Variants in DDX41 observed in about 807,000 individuals in gnomAD.
The protein encoded by DDX41 is DEAD-box helicase 41.
In DDX41, 50 loss-of-function variants were observed where a neutral mutation model predicts 78.8. The observed-to-expected ratio is 0.63, with a 90% CI of 0.51 to 0.80. DDX41 has a LOEUF of 0.80. Among genes scored for constraint, DDX41 ranks in the 30% least tolerant of loss-of-function variants. The probability of loss-of-function intolerance (pLI) is 0.00; values close to 1 mark genes in which losing one functional copy is unlikely to be tolerated. For missense variants in DDX41, 633 were observed against 849.2 expected (o/e 0.75, Z 3.16); for synonymous variants, 381 against 321.5 (o/e 1.19, Z -1.98).
At chr5:177,512,429 T>C in intron 14 of DDX41, 36 bp from the exon 15 acceptor site, 1 of 1,614,122 alleles carries the variant, frequency 6.2e-7, no homozygotes, top group Non-Finnish European at 8.5e-7. Flanking sequence ...GGCCCATCGC[T>C]GGACACTAGG....
rs772969629 is a variant in DDX41, at chr5:177,516,768, T to G, written c.95A>C (p.Asp32Ala). The G allele has an allele frequency of 5.6e-5, 90 of 1,611,760 alleles. 1 individual carries two copies. Among genetic ancestry groups the G allele is most frequent in the Non-Finnish European group, 1.7e-6 (2 of 1,179,484 alleles). The change falls in exon 2 of 17, where the codon GAC (aspartate) becomes GCC (alanine). Residue 32 changes from aspartate to alanine, a missense_variant. Physicochemically the swap from Asp to Ala is moderately radical, Grantham distance 126 (BLOSUM62 -2). Coordinates refer to ENST00000330503, the MANE Select transcript of DDX41 (RefSeq NM_016222.4). The part of the protein sequence containing the change: ...RSEAEDEDDE[D>A]YVPYVPLRQR... ...CCGTAACGGCACATAGGGCACGTAG[T>G]CCTCGTCGTCCTCATCTTCCGCCTC...
In DDX41 at chr5:177,514,963, G is replaced by C; in HGVS notation, c.751C>G (p.Pro251Ala). Residue 251 changes from proline to alanine, a missense_variant, in exon 8 of 17, where the codon CCC becomes GCC. Pro to Ala is a conservative substitution (Grantham distance 27). Coordinates refer to ENST00000330503, the MANE Select transcript of DDX41 (RefSeq NM_016222.4). This position sits in a 1 kb window ranked among gnomAD's most constrained non-coding sequence, Gnocchi z 4.2. ...TAGGGCCCCTCGCGCTTTGAGAAGG[G>C]TAACCTCTTCTCTTGTTCCAGGCAG... The part of the protein sequence containing the change: ...MFCLEQEKRL[P>A]FSKREGPYGL... 1.2e-6 allele frequency: 2 copies of C among 1,613,390 alleles called. No individual in the cohort carries two copies. The highest frequency in any genetic ancestry group is 1.7e-6 in the Non-Finnish European group (2 of 1,179,570).
rs1318123027 is a variant in DDX41 at position 177,516,462 on chromosome 5, G to A, written c.139-15C>T. ...AGCTTCTGGAGCTGAGGTTCCACCC[G>A]GGATCCACAGATAGGATGGGCATGG... On this transcript the variant is annotated splice_polypyrimidine_tract_variant and intron_variant, in intron 2 of 16. Coordinates refer to ENST00000330503, the MANE Select transcript of DDX41 (RefSeq NM_016222.4). 4.3e-6 allele frequency: 7 copies of A among 1,612,414 alleles called. No homozygotes were observed. The highest frequency in any genetic ancestry group is 2.2e-5 in the South Asian group (2 of 91,076).
Position 177,511,720 on chromosome 5 carries a change from G to A in DDX41, c.*71C>T, listed in dbSNP as rs965952734. On this transcript the variant is annotated 3_prime_UTR_variant, in exon 17 of 17. Coordinates refer to ENST00000330503, the MANE Select transcript of DDX41 (RefSeq NM_016222.4). ...CTGAAATGCTGATTCTGTCCAGGGGGCTGCTGTATGTGTAGACTGGTGGCA... is the reference window on the plus strand; with the variant it reads ...CTGAAATGCTGATTCTGTCCAGGGGACTGCTGTATGTGTAGACTGGTGGCA... 2 of 1,589,788 alleles carry A rather than the reference G, an allele frequency of 1.3e-6. No homozygotes were observed. Among genetic ancestry groups the A allele is most frequent in the African/African-American group, 1.3e-5 (1 of 74,676 alleles).
In DDX41 at chr5:177,511,743, G is replaced by A; in HGVS notation, c.*48C>T. 1.3e-6 allele frequency: 2 copies of A among 1,597,718 alleles called. No individual in the cohort carries two copies. The highest frequency in any genetic ancestry group is 2.3e-5 in the East Asian group (1 of 44,442). On this transcript the variant is annotated 3_prime_UTR_variant, in exon 17 of 17. Transcript: ENST00000330503. ...GGGCTGCTGTATGTGTAGACTGGTG[G>A]CAGTCTTGGGGACTGAGGCCTCTTG...
rs1187062751 is a variant in DDX41 at position 177,511,857 on chromosome 5, C to T, written c.1803G>A (p.Met601Ile). 3 of 1,614,178 alleles carry T rather than the reference C, an allele frequency of 1.9e-6. No individual in the cohort carries two copies. The South Asian group carries it at 3.3e-5, about 18-fold the overall frequency. ...RITDCPKLEA[M>I]QTKQVSNIGR... Reference sequence around the variant, plus strand: ...CGATGTTGCTGACCTGCTTGGTCTGCATAGCCTCGAGTTTGGGGCAGTCAG... The same window carrying T: ...CGATGTTGCTGACCTGCTTGGTCTGTATAGCCTCGAGTTTGGGGCAGTCAG... Residue 601 changes from methionine (M) to isoleucine (I), a missense_variant, in exon 17 of 17, where the codon ATG becomes ATA. Met to Ile is a conservative substitution (Grantham distance 10). Coordinates refer to ENST00000330503, the MANE Select transcript of DDX41 (RefSeq NM_016222.4).
chr5:177,512,653 G>A lies in DDX41; in HGVS notation c.1400-8C>T, dbSNP rs762599273. On this transcript the variant is annotated splice_region_variant and splice_polypyrimidine_tract_variant and intron_variant, in intron 13 of 16. Transcript: ENST00000330503. ...TAGTCCGTTCCTCCTGGTCTGGGGA[G>A]GGTCAGGCAGACACTGTCAGAGCCA... The A allele has an allele frequency of 6.2e-7, 1 of 1,613,862 alleles. No individual in the cohort carries two copies. The highest frequency in any genetic ancestry group is 8.5e-7 in the Non-Finnish European group (1 of 1,180,002).
chr5:177,515,876 A>T, intron 5 of DDX41, 53 bp downstream of exon 5: 1 of 1,614,134 alleles, frequency 6.2e-7, no homozygotes, highest in Non-Finnish European at 8.5e-7. Flanking sequence ...GCCTGGGAGC[A>T]TCCCTGCATG....
rs764449822 is a variant in DDX41 at position 177,511,942 on chromosome 5, A to ACAGG, written c.1733-19_1733-16dup. ...GCCGCGCTCTCCTGGGGGAATGGGG[A>ACAGG]CAGGGGTCAGCCAAGTCAAGGACCA... On this transcript the variant is annotated splice_polypyrimidine_tract_variant and intron_variant, in intron 16 of 16. Coordinates refer to ENST00000330503, the MANE Select transcript of DDX41 (RefSeq NM_016222.4). The ACAGG allele has an allele frequency of 3.1e-6, 5 of 1,613,304 alleles. No homozygotes were observed. Among genetic ancestry groups the ACAGG allele is most frequent in the Non-Finnish European group, 4.2e-6 (5 of 1,179,930 alleles).
chr5:177,513,160 G>C lies in DDX41; in HGVS notation c.1231-78C>G. The C allele has an allele frequency of 6.4e-7, 1 of 1,551,962 alleles. No individual in the cohort carries two copies. Among genetic ancestry groups the C allele is most frequent in the Non-Finnish European group, 8.8e-7 (1 of 1,135,732 alleles). On this transcript the variant is annotated intron_variant, in intron 11 of 16. Coordinates refer to ENST00000330503, the MANE Select transcript of DDX41 (RefSeq NM_016222.4). This position sits in a 1 kb window ranked among gnomAD's most constrained non-coding sequence, Gnocchi z 4.6. Reference sequence around the variant, plus strand: ...CAGCCCTGCCATGGCCCGTCATCTGGACCAGGAGGTGACCAGAAGCCTCTG... The same window carrying C: ...CAGCCCTGCCATGGCCCGTCATCTGCACCAGGAGGTGACCAGAAGCCTCTG...
chr5:177,515,211 T>C lies in DDX41; in HGVS notation c.619A>G (p.Ile207Val). 1 of 1,613,974 alleles carries C rather than the reference T, an allele frequency of 6.2e-7. No individual in the cohort carries two copies. Among genetic ancestry groups the C allele is most frequent in the Non-Finnish European group, 8.5e-7 (1 of 1,180,014 alleles). ...ATGGTGGGGATGCCCTGGATCTGAA[T>C]GGGTGTTGGGTGGTGAATGCCTTTC... is the stretch of plus-strand genomic sequence containing the variant. ...KKKGIHHPTP[I>V]QIQGIPTILS... The change falls in exon 7 of 17, where the codon ATT becomes GTT. Residue 207 changes from isoleucine to valine, a missense_variant. Around this residue, in one of 6 missense-constraint regions of DDX41, gnomAD observed 126 missense variants for 115.5 expected, o/e 1.09. Transcript: ENST00000330503.
At position 177,512,209 on chromosome 5, in the gene DDX41, G is replaced by T. The variant is rs200471726; in HGVS notation, c.1622-3C>A. 3.7e-6 allele frequency: 6 copies of T among 1,613,736 alleles called. No homozygotes were observed. The highest frequency in any genetic ancestry group is 2.2e-5 in the South Asian group (2 of 91,058). On this transcript the variant is annotated splice_polypyrimidine_tract_variant and splice_region_variant and intron_variant, in intron 15 of 16. Transcript: ENST00000330503. ...GAGGTCCATCAGCACTGACTCATCT[G>T]GGGGAGGAGTGGGGAAGCATCAGGG... is the stretch of plus-strand genomic sequence containing the variant.
In DDX41 at chr5:177,512,324, C is replaced by T. The variant is rs2127435840; in HGVS notation, c.1619G>A (p.Cys540Tyr). The change falls in exon 15 of 17, where the codon TGT becomes TAT. Residue 540 changes from cysteine to tyrosine, a missense_variant and splice_region_variant. By Grantham distance (194) the Cys-to-Tyr change is radical (BLOSUM62 -2). Transcript: ENST00000330503. Reference sequence around the variant, plus strand: ...GGTGGCGCTGGTAACAGACTCACCACACGCTTTGTTGATGAAGGTAGTGGC... The same window carrying T: ...GGTGGCGCTGGTAACAGACTCACCATACGCTTTGTTGATGAAGGTAGTGGC... The part of the protein sequence containing the change: ...GIATTFINKA[C>Y]DESVLMDLKA... 6.2e-7 allele frequency: 1 copy of T among 1,614,030 alleles called. No individual in the cohort carries two copies. Among genetic ancestry groups the T allele is most frequent in the Non-Finnish European group, 8.5e-7 (1 of 1,179,982 alleles).
chr5:177,514,723 C>G lies in DDX41; in HGVS notation c.913G>C (p.Glu305Gln). The G allele has an allele frequency of 1.9e-6, 3 of 1,612,290 alleles. No individual in the cohort carries two copies. The highest frequency in any genetic ancestry group is 2.5e-6 in the Non-Finnish European group (3 of 1,179,536). ...ALCIGGMSVK[E>Q]QMETIRHGVH... ...CACTGTCGGATGGTCTCCATCTGCT[C>G]TTTCACGGACATGCCCCCAATGCAG... is the stretch of plus-strand genomic sequence containing the variant. The change falls in exon 9 of 17, where the codon GAG (glutamate) becomes CAG (glutamine). Residue 305 changes from glutamate to glutamine, a missense_variant. Coordinates refer to ENST00000330503, the MANE Select transcript of DDX41 (RefSeq NM_016222.4). The surrounding 1 kb of genome is among the most constrained non-coding windows in gnomAD (Gnocchi z 4.2).
intron 12 of DDX41, 25 bp downstream of exon 12, chr5:177,512,986 C>A (rs896469713): frequency 2.5e-6 from 4 of 1,612,718 alleles, no homozygotes; most frequent in African/African-American, 1.3e-5. Flanking sequence ...GGACTCTGGC[C>A]CCGGCCTGGC....
rs1581804708 is a variant in DDX41, at chr5:177,513,252, G to A, written c.1230+101C>T. ...GTCAGGGGCTTTGAATGAAACCCCC[G>A]GTTCCCACAAGGTGGACCCCCGGCT... On this transcript the variant is annotated intron_variant, in intron 11 of 16. Coordinates refer to ENST00000330503, the MANE Select transcript of DDX41 (RefSeq NM_016222.4). This position sits in a 1 kb window ranked among gnomAD's most constrained non-coding sequence, Gnocchi z 4.6. The A allele has an allele frequency of 8.9e-6, 14 of 1,570,900 alleles. No homozygotes were observed. In the East Asian group the frequency reaches 2.2e-4, roughly 25 times the overall value.
At position 177,514,868 on chromosome 5, in the gene DDX41, G is replaced by A. The variant is rs958202796; in HGVS notation, c.799-31C>T. ...GGCAGAGGGACAAAGGCTGGCACCAGATGGCAGCCCCAATCTCTGGCCTGC... is the reference window on the plus strand; with the variant it reads ...GGCAGAGGGACAAAGGCTGGCACCAAATGGCAGCCCCAATCTCTGGCCTGC... On this transcript the variant is annotated intron_variant, in intron 8 of 16. Coordinates refer to ENST00000330503, the MANE Select transcript of DDX41 (RefSeq NM_016222.4). This position sits in a 1 kb window ranked among gnomAD's most constrained non-coding sequence, Gnocchi z 4.2. The A allele has an allele frequency of 6.2e-7, 1 of 1,605,156 alleles. No individual in the cohort carries two copies. Among genetic ancestry groups the A allele is most frequent in the Non-Finnish European group, 8.5e-7 (1 of 1,173,272 alleles).
In DDX41 at chr5:177,513,511, G is replaced by T. The variant is rs780493149; in HGVS notation, c.1099-27C>A. ...TGAGGAAGAGGGGGGCTGCGACCAA[G>T]GGCACACAGGGCTGGGCTGAGGGGC... On this transcript the variant is annotated intron_variant, in intron 10 of 16. Coordinates refer to ENST00000330503, the MANE Select transcript of DDX41 (RefSeq NM_016222.4). The surrounding 1 kb of genome is among the most constrained non-coding windows in gnomAD (Gnocchi z 4.6). 1.4e-5 allele frequency: 22 copies of T among 1,613,996 alleles called. No individual in the cohort carries two copies. Among genetic ancestry groups the T allele is most frequent in the Non-Finnish European group, 1.8e-5 (21 of 1,180,018 alleles).
In DDX41 at chr5:177,513,345, C is replaced by A; in HGVS notation, c.1230+8G>T. On this transcript the variant is annotated splice_region_variant and intron_variant, in intron 11 of 16. Transcript: ENST00000330503. The surrounding 1 kb of genome is among the most constrained non-coding windows in gnomAD (Gnocchi z 4.6). ...GTGAGAGACCGCCCATCAGGAGCAC[C>A]TGCCCACCTGGATGACATCCAGGCT... The A allele has an allele frequency of 6.2e-7, 1 of 1,614,084 alleles. No individual in the cohort carries two copies. The highest frequency in any genetic ancestry group is 1.1e-5 in the South Asian group (1 of 91,084).
Sources: allele counts gnomAD v4.1 joint callset, GRCh38; gene constraint gnomAD v4.1.1; regional missense constraint gnomAD v4.1.1; non-coding constraint Gnocchi (gnomAD v3.1); transcripts MANE v1.5; gene names NCBI Gene and HGNC (gene_info 2026-07-23, HGNC 2026-07-21).